Variants in SSBP3 observed in about 807,000 individuals in gnomAD.
SSBP3 encodes the protein single-stranded DNA-binding protein 3.
A neutral mutation model predicts 69.6 loss-of-function variants in SSBP3; 5 were observed. That is an observed-to-expected ratio of 0.07 (90% CI 0.04 to 0.15). SSBP3 has a LOEUF of 0.15. Ranked by LOEUF, SSBP3 falls within the 10% of genes least tolerant of loss-of-function variation. The pLI is 1.00. For synonymous variants in SSBP3, 196 were observed against 193.4 expected (o/e 1.01, Z -0.11); for missense variants, 312 against 534.0 (o/e 0.58, Z 4.10).
rs116655190 is a variant in SSBP3 at position 54,315,829 on chromosome 1, T to C, written c.277-34302A>G. Among the ~76,000 whole-genome samples the C allele has an allele frequency of 3.4e-3, 519 of 150,924 alleles. 5 individuals carry two copies. Among genetic ancestry groups the C allele is most frequent in the African/African-American group, 0.012 (499 of 40,794 alleles). On this transcript the variant is annotated intron_variant, in intron 4 of 17. Coordinates refer to ENST00000610401, the Ensembl canonical transcript of SSBP3. ...GGCTCACGCTACTATGCCCAGCTGA[T>C]TTTTTTTTCTTTGGTAGAGACAGGG...
exon 18 of SSBP3, chr1:54,225,457 A>G (rs1211323677): frequency 8.2e-7 from 1 of 1,214,560 alleles, no homozygotes; most frequent in African/African-American, 1.6e-5. Flanking sequence ...TCCCTTTAAT[A>G]AAACGTTATC....
intron 4 of SSBP3, among the ~76,000 whole-genome samples, chr1:54,301,907 C>T (rs779091005): frequency 6.6e-6 from 1 of 152,254 alleles, no homozygotes; most frequent in Non-Finnish European, 1.5e-5. Flanking sequence ...CTACCCAAGC[C>T]TCCCCCAAAT....
At chr1:54,228,198 T>G in intron 17 of SSBP3, 57 bp downstream of exon 17, 1 of 1,508,444 alleles carries the variant, frequency 6.6e-7, no homozygotes, top group Non-Finnish European at 9.2e-7. Context: ...CGCAACTTGT[T>G]AGGAAAGAGT....
chr1:54,361,243 A>C (rs28418331), intron 4 of SSBP3, among the ~76,000 whole-genome samples: 2 of 152,188 alleles, frequency 1.3e-5, no homozygotes, highest in Non-Finnish European at 2.9e-5. Context: ...ATTCAGGACA[A>C]AGGATAATCA....
intron 4 of SSBP3, among the ~76,000 whole-genome samples, chr1:54,306,505 C>T (rs537580420): frequency 5.9e-5 from 9 of 152,324 alleles, no homozygotes; most frequent in Admixed American, 4.6e-4. Flanking sequence ...ACTCTTACCT[C>T]GGTCATCCCT....
intron 4 of SSBP3, among the ~76,000 whole-genome samples, chr1:54,338,067 T>C (rs1569859273): frequency 6.6e-6 from 1 of 152,218 alleles, no homozygotes; most frequent in African/African-American, 2.4e-5. Flanking sequence ...ATCATGTGTG[T>C]ATATTACACT....
chr1:54,368,651 C>T (rs1018920170), intron 4 of SSBP3, among the ~76,000 whole-genome samples: 2 of 152,118 alleles, frequency 1.3e-5, no homozygotes, highest in Non-Finnish European at 2.9e-5. Context: ...CACCCTAGTA[C>T]ACTAGAAACT....
At chr1:54,391,498 C>A (rs543314828) in intron 4 of SSBP3, among the ~76,000 whole-genome samples, 4 of 152,190 alleles carry the variant, frequency 2.6e-5, no homozygotes, top group Admixed American at 6.5e-5. Context: ...GAGCTCAAAG[C>A]GCTGCAGCAG....
At chr1:54,294,813 C>T (rs1645676121) in intron 4 of SSBP3, among the ~76,000 whole-genome samples, 1 of 152,198 alleles carries the variant, frequency 6.6e-6, no homozygotes, top group Admixed American at 6.5e-5. Flanking sequence ...TTCCCATAGG[C>T]TTTGGCTGCC....
intron 4 of SSBP3, among the ~76,000 whole-genome samples, chr1:54,331,673 G>A (rs1441615589): frequency 1.3e-5 from 2 of 152,182 alleles, no homozygotes; most frequent in Admixed American, 6.5e-5. Context: ...GGAGAAGCCT[G>A]CTGCTCACAC....
At chr1:54,404,491 T>C (rs1649549737) in intron 3 of SSBP3, 85 bp downstream of exon 3, 1 of 1,538,508 alleles carries the variant, frequency 6.5e-7, no homozygotes, top group East Asian at 2.2e-5. Context: ...GCGGAGGGCC[T>C]GCTCCAAGCC....
chr1:54,389,329 C>T (rs1446742002), intron 4 of SSBP3, among the ~76,000 whole-genome samples: 2 of 152,108 alleles, frequency 1.3e-5, no homozygotes, highest in African/African-American at 2.4e-5. Flanking sequence ...AGATAGCAAA[C>T]CTTTTCTTTA....
At chr1:54,263,847 G>T (rs986337573) in intron 5 of SSBP3, among the ~76,000 whole-genome samples, 1 of 152,202 alleles carries the variant, frequency 6.6e-6, no homozygotes, top group African/African-American at 2.4e-5. Flanking sequence ...AGCAAGCCCC[G>T]GGGCAGGCAC....
At chr1:54,379,557 CCCA>C (rs979626347) in intron 4 of SSBP3, among the ~76,000 whole-genome samples, 14 of 152,242 alleles carry the variant, frequency 9.2e-5, no homozygotes, top group African/African-American at 3.1e-4. Flanking sequence ...GAGACATGAT[CCCA>C]CCACATTTTA....
At chr1:54,273,469 G>A (rs2100831759) in intron 5 of SSBP3, among the ~76,000 whole-genome samples, 1 of 152,344 alleles carries the variant, frequency 6.6e-6, no homozygotes, top group Admixed American at 6.5e-5. Flanking sequence ...CTGTTGCTAG[G>A]AGCCCCAGTG....
intron 4 of SSBP3, among the ~76,000 whole-genome samples, chr1:54,365,482 C>T (rs1647015889): frequency 1.3e-5 from 2 of 152,196 alleles, no homozygotes; most frequent in South Asian, 2.1e-4. Flanking sequence ...AAGTGAAAGG[C>T]AACAAGTGGG....
intron 13 of SSBP3, among the ~76,000 whole-genome samples, chr1:54,239,417 C>T (rs564506877): frequency 6.6e-5 from 10 of 152,302 alleles, no homozygotes; most frequent in South Asian, 2.1e-4. Context: ...AGTGTGGACA[C>T]GGCACAGGGG....
chr1:54,334,078 G>C (rs1023103791), intron 4 of SSBP3, among the ~76,000 whole-genome samples: 4 of 151,400 alleles, frequency 2.6e-5, no homozygotes, highest in Non-Finnish European at 5.9e-5. Flanking sequence ...AATAGGCCTG[G>C]CGTGGTGGCT....
chr1:54,332,006 G>A (rs557241049), intron 4 of SSBP3, among the ~76,000 whole-genome samples: 6 of 152,178 alleles, frequency 3.9e-5, no homozygotes, highest in African/African-American at 7.2e-5. Flanking sequence ...GGGCTGCAAG[G>A]TCACTGGAGG....
Sources: gnomAD v4.1 joint callset for allele counts (sites outside exome capture counted in the v4.1 genomes callset) on GRCh38, gnomAD v4.1.1 for gene constraint, MANE v1.5 for transcripts, NCBI Gene and HGNC (gene_info 2026-07-23, HGNC 2026-07-21) for gene names.